CATSPERB: variants seen among roughly 807,000 people sequenced by gnomAD.
CATSPERB encodes catsper channel auxiliary subunit beta, also known as cation channel sperm-associated auxiliary subunit beta.
In CATSPERB, 93 loss-of-function variants were observed where a neutral mutation model predicts 128.3. The ratio of observed to expected loss-of-function variants is 0.72; its 90% CI spans 0.61 to 0.86. CATSPERB has a LOEUF of 0.86. Among genes scored for constraint, CATSPERB ranks in the 40% least tolerant of loss-of-function variants. CATSPERB has a pLI of 0.00. For missense variants in CATSPERB, 1,153 were observed against 1,329.5 expected (o/e 0.87, Z 2.06); for synonymous variants, 381 against 448.8 (o/e 0.85, Z 1.91).
chr14:91,629,981 A>C (rs1490261889), intron 17 of CATSPERB, among the ~76,000 whole-genome samples: 1 of 152,234 alleles, frequency 6.6e-6, no homozygotes. Flanking sequence ...CTACCTATGC[A>C]TTCTAAGCTC....
intron 17 of CATSPERB, among the ~76,000 whole-genome samples, chr14:91,626,671 T>A (rs1269540167): frequency 6.6e-6 from 1 of 152,172 alleles, no homozygotes; most frequent in South Asian, 2.1e-4. Flanking sequence ...CACCATGGGA[T>A]GACGGAGCAT....
intron 14 of CATSPERB, among the ~76,000 whole-genome samples, chr14:91,662,241 C>T (rs72703351): frequency 0.29 from 43,786 of 151,886 alleles, 6,430 homozygotes; most frequent in Middle Eastern, 0.34. Context: ...AATTTAAGCA[C>T]ATATGTTTAA....
chr14:91,608,046 A>G (rs534431589), intron 22 of CATSPERB, among the ~76,000 whole-genome samples: 14 of 152,200 alleles, frequency 9.2e-5, no homozygotes, highest in Non-Finnish European at 1.9e-4. Context: ...CACCCCATCA[A>G]TGAAATCCAA....
chr14:91,678,729 T>C (rs1895231464), intron 11 of CATSPERB, among the ~76,000 whole-genome samples: 1 of 152,204 alleles, frequency 6.6e-6, no homozygotes, highest in Non-Finnish European at 1.5e-5. Context: ...CTCTGCTAGA[T>C]AGATTAAGCT....
intron 18 of CATSPERB, among the ~76,000 whole-genome samples, chr14:91,622,966 C>T (rs931704967): frequency 4.1e-5 from 6 of 147,122 alleles, no homozygotes; most frequent in Non-Finnish European, 8.9e-5. Context: ...GCAATCTTGG[C>T]TCACTGCAAC....
intron 9 of CATSPERB, 73 bp from the exon 10 acceptor site, chr14:91,691,628 A>G: frequency 9.0e-7 from 1 of 1,115,296 alleles, no homozygotes; most frequent in South Asian, 1.4e-5. Flanking sequence ...AATTTAAATT[A>G]TACTAAAGGA....
chr14:91,657,685 A>G (rs1328895334), intron 15 of CATSPERB, among the ~76,000 whole-genome samples: 1 of 152,204 alleles, frequency 6.6e-6, no homozygotes, highest in Non-Finnish European at 1.5e-5. Flanking sequence ...AAAAACTAAC[A>G]ATCTGATTTT....
chr14:91,667,552 A>AACCTATATCTGCCTCTC (rs569507296), intron 14 of CATSPERB, among the ~76,000 whole-genome samples: 165 of 152,334 alleles, frequency 1.1e-3, no homozygotes, highest in African/African-American at 3.8e-3. Flanking sequence ...GTGGAACTTC[A>AACCTATATCTGCCTCTC]ACCTATATCT....
At chr14:91,596,735 T>C (rs1893512842) in intron 22 of CATSPERB, among the ~76,000 whole-genome samples, 2 of 152,182 alleles carry the variant, frequency 1.3e-5, no homozygotes, top group African/African-American at 2.4e-5. Flanking sequence ...AAGTTAGCTA[T>C]GTATACAAAT....
chr14:91,673,409 C>T lies in CATSPERB; in HGVS notation c.979-393G>A, dbSNP rs562329741. On this transcript the variant is annotated intron_variant, in intron 12 of 26. Transcript: ENST00000256343. ...AGACAGGTTTGAGATTTTTATCTAC[C>T]ATTCTCCTTGGCTGCAGCACCTGAT... 1.2e-3 allele frequency among the ~76,000 whole-genome samples: 179 copies of T among 152,178 alleles called. 1 individual carries two copies. Among genetic ancestry groups the T allele is most frequent in the South Asian group, 8.9e-3 (43 of 4,812 alleles).
At position 91,669,841 on chromosome 14, in the gene CATSPERB, G is replaced by C. The variant is rs2139829259; in HGVS notation, c.1260C>G (p.Ser420Arg). The C allele has an allele frequency of 1.2e-6, 2 of 1,612,844 alleles. No homozygotes were observed. Among genetic ancestry groups the C allele is most frequent in the East Asian group, 4.5e-5 (2 of 44,842 alleles). Reference protein sequence around the residue: ...SPVGMVFHPRSHFLYAYGNQI... With the variant: ...SPVGMVFHPRRHFLYAYGNQI... ...GATTGCCATAAGCATACAAAAAGTG[G>C]CTTCGGGGATGAAATACCATTCCAA... Residue 420 changes from serine to arginine, a missense_variant, in exon 14 of 27, where the codon AGC becomes AGG. Coordinates refer to ENST00000256343, the MANE Select transcript of CATSPERB (RefSeq NM_024764.4).
intron 4 of CATSPERB, among the ~76,000 whole-genome samples, chr14:91,721,635 G>A (rs1299780747): frequency 1.3e-5 from 2 of 152,078 alleles, no homozygotes; most frequent in Non-Finnish European, 2.9e-5. Context: ...GGATCACAAG[G>A]TCAGGAGATC....
intron 10 of CATSPERB, among the ~76,000 whole-genome samples, chr14:91,687,380 T>C (rs1236571392): frequency 2.0e-5 from 3 of 152,116 alleles, no homozygotes; most frequent in African/African-American, 7.2e-5. Flanking sequence ...ATTAGTACCC[T>C]TATTTGATGT....
chr14:91,667,206 G>A (rs1894999875), intron 14 of CATSPERB, among the ~76,000 whole-genome samples: 1 of 152,206 alleles, frequency 6.6e-6, no homozygotes, highest in Non-Finnish European at 1.5e-5. Context: ...CTAACCTCTG[G>A]GGGAACCCCA....
intron 10 of CATSPERB, among the ~76,000 whole-genome samples, chr14:91,686,612 A>G (rs1029300409): frequency 1.3e-5 from 2 of 152,268 alleles, no homozygotes. Context: ...TCAACCATCA[A>G]TGAGTTTTAC....
chr14:91,610,698 G>T, intron 20 of CATSPERB, 21 bp from the exon 21 acceptor site: 1 of 1,605,626 alleles, frequency 6.2e-7, no homozygotes, highest in Non-Finnish European at 8.5e-7. Flanking sequence ...CCAAATAAAT[G>T]AAGGTTATTT....
intron 22 of CATSPERB, chr14:91,604,898 G>A (rs758043567): frequency 1.7e-5 from 21 of 1,264,138 alleles, no homozygotes; most frequent in South Asian, 8.4e-5. Context: ...CTGGAACCAC[G>A]TCTTAACCTG....
At chr14:91,595,152 C>A (rs1407599080) in intron 22 of CATSPERB, among the ~76,000 whole-genome samples, 1 of 151,984 alleles carries the variant, frequency 6.6e-6, no homozygotes, top group Non-Finnish European at 1.5e-5. Context: ...TTACTAAAGA[C>A]AAATCACGGT....
At chr14:91,693,568 C>A in intron 7 of CATSPERB, 89 bp from the exon 8 acceptor site, 1 of 832,974 alleles carries the variant, frequency 1.2e-6, no homozygotes, top group Non-Finnish European at 2.0e-6. Flanking sequence ...CGTTCCAACT[C>A]CCTCTCAGCA....
Sources: allele counts gnomAD v4.1 joint callset (sites outside exome capture counted in the v4.1 genomes callset), GRCh38; gene constraint gnomAD v4.1.1; transcripts MANE v1.5; gene names NCBI Gene and HGNC (gene_info 2026-07-23, HGNC 2026-07-21).